Variants in SORCS1 observed in about 807,000 individuals in gnomAD.
SORCS1 encodes the protein VPS10 domain-containing receptor SorCS1.
In SORCS1, 60 loss-of-function variants were observed where a neutral mutation model predicts 146.1. The observed-to-expected ratio is 0.41, with a 90% CI of 0.33 to 0.51. SORCS1 has a LOEUF of 0.51. SORCS1 is among the 20% of genes least tolerant of loss of function. The probability of loss-of-function intolerance (pLI) is 0.21; values close to 1 mark genes in which losing one functional copy is unlikely to be tolerated. For synonymous variants in SORCS1, 637 were observed against 584.0 expected (o/e 1.09, Z -1.31); for missense variants, 1,352 against 1,487.6 (o/e 0.91, Z 1.50).
At chr10:106,604,880 A>G (rs916324464) in intron 23 of SORCS1, among the ~76,000 whole-genome samples, 1 of 152,226 alleles carries the variant, frequency 6.6e-6, no homozygotes, top group African/African-American at 2.4e-5. Flanking sequence ...AAGGCCAAGT[A>G]CTTTGCTATA....
intron 2 of SORCS1, among the ~76,000 whole-genome samples, chr10:106,869,323 G>A (rs1391799829): frequency 1.3e-5 from 2 of 152,128 alleles, no homozygotes; most frequent in Non-Finnish European, 2.9e-5. Flanking sequence ...AGAAGGGACT[G>A]CTTCTCAACT....
chr10:106,677,353 C>T lies in SORCS1; in HGVS notation c.1792G>A (p.Val598Ile). The change falls in exon 13 of 26, where the codon GTT becomes ATT. Residue 598 changes from valine (V) to isoleucine (I), a missense_variant. Val to Ile is a conservative substitution (Grantham distance 29, BLOSUM62 3). Transcript: ENST00000263054. The part of the protein sequence containing the change: ...VLYLDQGGVL[V>I]AMKHTSLPIR... The stretch of plus-strand genomic sequence containing the variant: ...GGGAGAGATGTGTGTTTCATAGCAA[C>T]CAGGACTCCACCTTGATCCAGGTAC... The T allele has an allele frequency of 6.2e-7, 1 of 1,613,952 alleles. No individual in the cohort carries two copies. Among genetic ancestry groups the T allele is most frequent in the Non-Finnish European group, 8.5e-7 (1 of 1,179,884 alleles).
chr10:107,164,095 C>A lies in SORCS1; in HGVS notation c.432G>T (p.Glu144Asp), dbSNP rs935811607. 6.2e-7 allele frequency: 1 copy of A among 1,613,770 alleles called. No individual in the cohort carries two copies. ...AGCGGGTGGCTTTGTCCGGGTCCCG[C>A]TCCCGAGTCCCAGGCTCCTGCTGCC... ...DGGQQEPGTR[E>D]RDPDKATRFR... The change falls in exon 1 of 26, where the codon GAG becomes GAT. Residue 144 changes from glutamate (E) to aspartate (D), a missense_variant. Physicochemically the swap from Glu to Asp is conservative, Grantham distance 45. Transcript: ENST00000263054. The surrounding 1 kb of genome is among the most constrained non-coding windows in gnomAD (Gnocchi z 6.8).
At chr10:106,710,091 A>C (rs1854861152) in intron 6 of SORCS1, among the ~76,000 whole-genome samples, 3 of 152,226 alleles carry the variant, frequency 2.0e-5, no homozygotes, top group Admixed American at 2.0e-4. Flanking sequence ...TCTAATGATA[A>C]AAATGATGTG....
intron 6 of SORCS1, among the ~76,000 whole-genome samples, chr10:106,727,612 G>A (rs181089691): frequency 1.5e-3 from 233 of 152,066 alleles, no homozygotes; most frequent in African/African-American, 5.1e-3. Context: ...GAATAAACAC[G>A]TAAAAAGAAA....
At chr10:106,680,312 AAT>A (rs764625184) in intron 10 of SORCS1, among the ~76,000 whole-genome samples, 12 of 152,338 alleles carry the variant, frequency 7.9e-5, no homozygotes, top group Non-Finnish European at 1.3e-4. Context: ...GAAGAGGAGA[AAT>A]GGGATATGAA....
intron 1 of SORCS1, among the ~76,000 whole-genome samples, chr10:107,103,021 C>T (rs910180931): frequency 1.4e-4 from 22 of 152,140 alleles, no homozygotes; most frequent in African/African-American, 4.8e-4. Flanking sequence ...ATTCGTTCTA[C>T]CCCCATACCT....
chr10:106,720,153 T>A (rs536109416), intron 6 of SORCS1, among the ~76,000 whole-genome samples: 2 of 152,268 alleles, frequency 1.3e-5, no homozygotes, highest in Admixed American at 1.3e-4. Context: ...TTTTATAACA[T>A]CTCCCCTAAC....
At chr10:106,797,189 T>C (rs1389735995) in intron 3 of SORCS1, among the ~76,000 whole-genome samples, 1 of 152,196 alleles carries the variant, frequency 6.6e-6, no homozygotes, top group Non-Finnish European at 1.5e-5. Context: ...CTTTCATCTT[T>C]ATTCTAAGAG....
intron 1 of SORCS1, among the ~76,000 whole-genome samples, chr10:106,994,145 C>G (rs965528600): frequency 7.3e-5 from 11 of 150,572 alleles, no homozygotes; most frequent in Middle Eastern, 3.4e-3. Context: ...AATAAACCCA[C>G]TTTGCTATTA....
intron 1 of SORCS1, among the ~76,000 whole-genome samples, chr10:106,958,151 G>A (rs1955054037): frequency 2.0e-5 from 3 of 152,204 alleles, no homozygotes. Flanking sequence ...AGCAGTGTGT[G>A]TTCCTAACCA....
At chr10:106,929,158 C>T (rs1390145952) in intron 2 of SORCS1, among the ~76,000 whole-genome samples, 3 of 152,056 alleles carry the variant, frequency 2.0e-5, no homozygotes, top group Non-Finnish European at 4.4e-5. Context: ...TCAAGGGTGG[C>T]TTAGCCTTAG....
At chr10:107,058,107 T>A (rs187174969) in intron 1 of SORCS1, among the ~76,000 whole-genome samples, 2 of 152,292 alleles carry the variant, frequency 1.3e-5, no homozygotes, top group Non-Finnish European at 2.9e-5. Context: ...AGTGGTGCGA[T>A]CTTGGCTCAC....
chr10:106,940,369 C>T (rs983954679), intron 2 of SORCS1, among the ~76,000 whole-genome samples: 5 of 152,148 alleles, frequency 3.3e-5, no homozygotes, highest in Admixed American at 3.3e-4. Flanking sequence ...ACTGAACATA[C>T]TACTATGCAC....
intron 1 of SORCS1, among the ~76,000 whole-genome samples, chr10:107,107,712 T>C (rs1965402594): frequency 6.6e-6 from 1 of 152,224 alleles, no homozygotes; most frequent in African/African-American, 2.4e-5. Flanking sequence ...CGATATTCAG[T>C]AGGGCCATTT....
chr10:106,973,209 A>T lies in SORCS1; in HGVS notation c.559-16629T>A, dbSNP rs573499328. On this transcript the variant is annotated intron_variant, in intron 1 of 25. Coordinates refer to ENST00000263054, the MANE Select transcript of SORCS1 (RefSeq NM_052918.5). ...ACTTTCCTAAACTGAAAATCACTCC[A>T]ATGTCCCCAGTTCAAAGAAAGGAGA... 4.6e-5 allele frequency among the ~76,000 whole-genome samples: 7 copies of T among 152,302 alleles called. No homozygotes were observed. In the East Asian group the frequency reaches 1.4e-3, roughly 29 times the overall value.
At chr10:107,000,176 T>TA (rs1957159510) in intron 1 of SORCS1, among the ~76,000 whole-genome samples, 1 of 152,176 alleles carries the variant, frequency 6.6e-6, no homozygotes, top group Non-Finnish European at 1.5e-5. Flanking sequence ...GTTGTTACTG[T>TA]AAAAAACAGA....
chr10:106,758,219 T>C (rs1858806037), intron 5 of SORCS1, among the ~76,000 whole-genome samples: 1 of 152,122 alleles, frequency 6.6e-6, no homozygotes, highest in Non-Finnish European at 1.5e-5. Flanking sequence ...ATATTGCAAT[T>C]AGCACTGGCG....
chr10:107,008,178 T>C (rs74699014), intron 1 of SORCS1, among the ~76,000 whole-genome samples: 39 of 152,280 alleles, frequency 2.6e-4, no homozygotes, highest in East Asian at 7.7e-4. Flanking sequence ...ACAACTTCAA[T>C]AGTACATAAA....
Sources: allele counts gnomAD v4.1 joint callset (sites outside exome capture counted in the v4.1 genomes callset), GRCh38; gene constraint gnomAD v4.1.1; non-coding constraint Gnocchi (gnomAD v3.1); transcripts MANE v1.5; gene names NCBI Gene and HGNC (gene_info 2026-07-23, HGNC 2026-07-21).